The following NAALADL2 variants were observed in gnomAD, a reference collection of about 807,000 sequenced individuals.
NAALADL2 encodes inactive N-acetylated-alpha-linked acidic dipeptidase-like protein 2.
NAALADL2 carries 76 observed loss-of-function variants against 87.2 expected under a neutral mutation model. That is an observed-to-expected ratio of 0.87 (90% CI 0.72 to 1.05). The LOEUF (loss-of-function observed/expected upper bound fraction) is 1.05, where lower values mean the gene tolerates loss of function less well. NAALADL2 is among the 50% of genes least tolerant of loss of function. The probability of loss-of-function intolerance (pLI) is 0.00; values close to 1 mark genes in which losing one functional copy is unlikely to be tolerated. For missense variants in NAALADL2, 1,089 were observed against 945.8 expected, an observed-to-expected ratio of 1.15 and a Z score of -1.99; for synonymous variants, 354 against 331.0, an observed-to-expected ratio of 1.07 and a Z score of -0.75.
At chr3:175,478,006 A>C (rs534056269) in intron 9 of NAALADL2, among the ~76,000 whole-genome samples, 4 of 152,114 alleles carry the variant, frequency 2.6e-5, no homozygotes, top group Non-Finnish European at 5.9e-5. Context: ...TTCAGTACTG[A>C]AACAAAGCTT....
At chr3:175,577,990 G>GT (rs778704336) in intron 10 of NAALADL2, among the ~76,000 whole-genome samples, 65 of 152,156 alleles carry the variant, frequency 4.3e-4, no homozygotes, top group Non-Finnish European at 7.8e-4. Flanking sequence ...TTTTTATGAA[G>GT]TCACAGTTAC....
chr3:174,940,493 A>C (rs570216325), intron 1 of NAALADL2, among the ~76,000 whole-genome samples: 8 of 152,180 alleles, frequency 5.3e-5, no homozygotes, highest in African/African-American at 1.9e-4. Flanking sequence ...TGTCTCTGCC[A>C]GTATTTGGTA....
chr3:175,804,351 C>G lies in NAALADL2; in HGVS notation c.*1148C>G, dbSNP rs1232879797. 1 of 151,634 alleles carries G rather than the reference C, an allele frequency of 6.6e-6. No homozygotes were observed. The highest frequency in any genetic ancestry group is 2.4e-5 in the African/African-American group (1 of 41,338). The allele number at this position is 151,634 out of a possible 1,614,324, so 9.4% of individuals were successfully genotyped here. On this transcript the variant is annotated 3_prime_UTR_variant, in exon 14 of 14. Transcript: ENST00000454872. ...ATGCTTCTAAGTTTCTGCAGTGTTA[C>G]TGTAAGAGAGTGTCTCGTCTACACT... is the stretch of plus-strand genomic sequence containing the variant.
At position 175,395,539 on chromosome 3, in the gene NAALADL2, T is replaced by C. The variant is rs114576379; in HGVS notation, c.1091-51690T>C. On this transcript the variant is annotated intron_variant, in intron 5 of 13. Coordinates refer to ENST00000454872, the MANE Select transcript of NAALADL2 (RefSeq NM_207015.3). ...GTGATGTGCTAAGTATGCATTCCTT[T>C]AGGAATTCCAAGATCCCAACAACAG... Among the ~76,000 whole-genome samples the C allele has an allele frequency of 2.0e-3, 301 of 152,282 alleles. 2 individuals carry two copies. Among genetic ancestry groups the C allele is most frequent in the South Asian group, 8.3e-3 (40 of 4,828 alleles).
At chr3:174,969,064 A>G (rs1743260146) in intron 1 of NAALADL2, among the ~76,000 whole-genome samples, 1 of 152,200 alleles carries the variant, frequency 6.6e-6, no homozygotes, top group African/African-American at 2.4e-5. Context: ...ATGACCTGGA[A>G]CTGGTATGGC....
chr3:174,711,194 ATAT>A, intron 2 of NAALADL2, among the ~76,000 whole-genome samples: 1 of 152,186 alleles, frequency 6.6e-6, no homozygotes, highest in East Asian at 1.9e-4. Flanking sequence ...TATTCAGCAC[ATAT>A]TATTCCCCAA....
chr3:174,574,758 T>A (rs1392774150), intron 2 of NAALADL2, among the ~76,000 whole-genome samples: 1 of 152,130 alleles, frequency 6.6e-6, no homozygotes, highest in African/African-American at 2.4e-5. Flanking sequence ...TCTTCTAGAA[T>A]TCAAATAAAT....
intron 9 of NAALADL2, among the ~76,000 whole-genome samples, chr3:175,499,838 A>G (rs570468674): frequency 6.6e-6 from 1 of 152,018 alleles, no homozygotes; most frequent in African/African-American, 2.4e-5. Flanking sequence ...GAAGCCTGCT[A>G]TGTATTTTCT....
chr3:175,406,752 T>C (rs16848169), intron 5 of NAALADL2, among the ~76,000 whole-genome samples: 3,380 of 152,220 alleles, frequency 0.022, 115 homozygotes, highest in African/African-American at 0.077. Context: ...GTTTATTTCC[T>C]ATTGCCTTTT....
intron 3 of NAALADL2, among the ~76,000 whole-genome samples, chr3:174,835,292 A>G (rs1476657028): frequency 5.9e-5 from 9 of 152,084 alleles, no homozygotes; most frequent in Non-Finnish European, 1.3e-4. Flanking sequence ...CTGCTGGGAA[A>G]ACTAGATATC....
intron 3 of NAALADL2, among the ~76,000 whole-genome samples, chr3:174,777,547 T>A (rs575414841): frequency 1.3e-5 from 2 of 152,218 alleles, no homozygotes; most frequent in South Asian, 2.1e-4. Flanking sequence ...TAGAGGGGGA[T>A]AAACAAAAGT....
chr3:175,465,664 G>A (rs981866195), intron 7 of NAALADL2, among the ~76,000 whole-genome samples: 4 of 151,896 alleles, frequency 2.6e-5, no homozygotes, highest in East Asian at 3.9e-4. Context: ...GTAGAGACGA[G>A]GTTTCACCAT....
chr3:174,748,342 T>TTTA (rs1553846428), intron 3 of NAALADL2, among the ~76,000 whole-genome samples: 7 of 149,464 alleles, frequency 4.7e-5, no homozygotes, highest in African/African-American at 1.7e-4. Flanking sequence ...TTTTTTTTTT[T>TTTA]AAAAAGAGGC....
At chr3:175,344,013 C>T (rs1581506619) in intron 5 of NAALADL2, among the ~76,000 whole-genome samples, 1 of 152,128 alleles carries the variant, frequency 6.6e-6, no homozygotes, top group African/African-American at 2.4e-5. Context: ...CCATTTCTGT[C>T]TCCTAAACCC....
chr3:175,293,538 T>C (rs1027620891), intron 4 of NAALADL2, among the ~76,000 whole-genome samples: 1 of 152,126 alleles, frequency 6.6e-6, no homozygotes, highest in Admixed American at 6.6e-5. Flanking sequence ...TCTGCCCCCC[T>C]CCAAATTCCA....
chr3:174,474,354 G>T (rs968288433), intron 1 of NAALADL2, among the ~76,000 whole-genome samples: 9 of 151,972 alleles, frequency 5.9e-5, no homozygotes, highest in Non-Finnish European at 1.3e-4. Context: ...TGAAATTTAG[G>T]GTCTCCAATT....
chr3:174,648,854 T>C (rs757016110), intron 2 of NAALADL2, among the ~76,000 whole-genome samples: 93 of 152,280 alleles, frequency 6.1e-4, no homozygotes, highest in Admixed American at 2.0e-3. Flanking sequence ...ACATAACACA[T>C]ATGTGTCAAT....
chr3:174,480,677 A>G (rs898607825), intron 1 of NAALADL2, among the ~76,000 whole-genome samples: 1 of 152,120 alleles, frequency 6.6e-6, no homozygotes, highest in Non-Finnish European at 1.5e-5. Context: ...CTTCACAGTT[A>G]ATAATCTAAA....
intron 2 of NAALADL2, among the ~76,000 whole-genome samples, chr3:174,587,816 C>T (rs541706438): frequency 4.2e-4 from 64 of 152,192 alleles, no homozygotes; most frequent in African/African-American, 1.4e-3. Flanking sequence ...ACATTTTTTC[C>T]TTCATTTCAA....
Sources: gnomAD v4.1 joint callset for allele counts (sites outside exome capture counted in the v4.1 genomes callset) on GRCh38, gnomAD v4.1.1 for gene constraint, MANE v1.5 for transcripts, NCBI Gene and HGNC (gene_info 2026-07-23, HGNC 2026-07-21) for gene names.